ARHGAP17: variants seen among roughly 807,000 people sequenced by gnomAD.
The protein encoded by ARHGAP17 is rho GTPase-activating protein 17.
Under a neutral mutation model 99.5 loss-of-function variants are expected in ARHGAP17, and 57 were observed. That is an observed-to-expected ratio of 0.57 (90% CI 0.46 to 0.71). The LOEUF is 0.71. Among genes scored for constraint, ARHGAP17 ranks in the 30% least tolerant of loss-of-function variants. The probability of loss-of-function intolerance (pLI) is 0.00; values close to 1 mark genes in which losing one functional copy is unlikely to be tolerated. For synonymous variants in ARHGAP17, 417 were observed against 429.6 expected (o/e 0.97, Z 0.36); for missense variants, 1,000 against 1,122.4 (o/e 0.89, Z 1.56).
chr16:24,943,039 G>A (rs756644801), intron 15 of ARHGAP17, among the ~76,000 whole-genome samples: 21 of 152,138 alleles, frequency 1.4e-4, no homozygotes, highest in Admixed American at 2.6e-4. Flanking sequence ...TGCACCCCAC[G>A]GGACATGGCA....
At chr16:24,977,442 G>T in intron 2 of ARHGAP17, 123 bp from the exon 3 acceptor site, 1 of 696,270 alleles carries the variant, frequency 1.4e-6, no homozygotes, top group Non-Finnish European at 2.3e-6. Context: ...GCTACACCTT[G>T]CTATCACACT....
chr16:24,929,682 A>C lies in ARHGAP17; in HGVS notation c.2515+1102T>G, dbSNP rs563285346. On this transcript the variant is annotated intron_variant, in intron 19 of 19. Transcript: ENST00000289968. Reference sequence around the variant, plus strand: ...GCATCTATTGGGAAACAAAACAAACAAACCAACATGGCTTTGTTGTTTTCA... The same window carrying C: ...GCATCTATTGGGAAACAAAACAAACCAACCAACATGGCTTTGTTGTTTTCA... 5 of 987,312 alleles carry C rather than the reference A, an allele frequency of 5.1e-6. 1 individual carries two copies. The South Asian group carries it at 1.4e-4, about 28-fold the overall frequency. The allele number at this position is 987,312 out of a possible 1,614,324, so 61.2% of individuals were successfully genotyped here. A position where few individuals can be genotyped will look rare whatever the true frequency, so the allele number is the denominator to read the frequency against.
intron 1 of ARHGAP17, among the ~76,000 whole-genome samples, chr16:24,981,311 G>A (rs1414990531): frequency 6.6e-6 from 1 of 151,912 alleles, no homozygotes; most frequent in Non-Finnish European, 1.5e-5. Flanking sequence ...ATTAACTTCA[G>A]GAAAAACAAA....
chr16:25,009,637 T>C (rs1348639190), intron 1 of ARHGAP17, among the ~76,000 whole-genome samples: 3 of 152,134 alleles, frequency 2.0e-5, no homozygotes, highest in Non-Finnish European at 4.4e-5. Context: ...TCCAACTACC[T>C]AGTGAGTGGT....
chr16:25,014,997 G>A (rs1345677026), intron 1 of ARHGAP17, among the ~76,000 whole-genome samples: 1 of 151,746 alleles, frequency 6.6e-6, no homozygotes, highest in African/African-American at 2.4e-5. Context: ...GGTCTCGGGA[G>A]CCCGGCGGCG....
intron 1 of ARHGAP17, among the ~76,000 whole-genome samples, chr16:25,014,815 T>G (rs1162937064): frequency 1.3e-5 from 2 of 152,164 alleles, no homozygotes; most frequent in Non-Finnish European, 2.9e-5. Context: ...CGGCACAGCG[T>G]TAGGGACAGA....
At chr16:24,947,420 T>G in intron 14 of ARHGAP17, 62 bp downstream of exon 14, 1 of 1,412,882 alleles carries the variant, frequency 7.1e-7, no homozygotes, top group Non-Finnish European at 9.9e-7. Flanking sequence ...TGAGTTACAT[T>G]TCTATGCATC....
chr16:24,969,068 A>C lies in ARHGAP17; in HGVS notation c.273-296T>G, dbSNP rs150288272. Among the ~76,000 whole-genome samples the C allele has an allele frequency of 4.5e-3, 679 of 152,350 alleles. 6 individuals carry two copies. Among genetic ancestry groups the C allele is most frequent in the African/African-American group, 0.015 (643 of 41,582 alleles). On this transcript the variant is annotated intron_variant, in intron 4 of 19. Coordinates refer to ENST00000289968, the MANE Select transcript of ARHGAP17 (RefSeq NM_001006634.3). Reference sequence around the variant, plus strand: ...AAATTCTCAAGTCAGGTGAAAGCCAAGTGTTCACAAAATACTCTGAAGATC... The same window carrying C: ...AAATTCTCAAGTCAGGTGAAAGCCACGTGTTCACAAAATACTCTGAAGATC...
intron 1 of ARHGAP17, among the ~76,000 whole-genome samples, chr16:24,987,863 A>G (rs754321430): frequency 4.6e-5 from 7 of 152,228 alleles, no homozygotes; most frequent in Non-Finnish European, 8.8e-5. Flanking sequence ...GAAATATCTG[A>G]CGCATTTTTG....
At position 25,015,244 on chromosome 16, in the gene ARHGAP17, G is replaced by A; in HGVS notation, c.18C>T (p.Asn6=). The A allele has an allele frequency of 1.5e-6, 2 of 1,361,808 alleles. No homozygotes were observed. Among genetic ancestry groups the A allele is most frequent in the East Asian group, 3.2e-5 (1 of 31,602 alleles). 84.4% of individuals were successfully genotyped at this position (1,361,808 alleles called of 1,614,324 possible). A position where few individuals can be genotyped will look rare whatever the true frequency, so the allele number is the denominator to read the frequency against. Reference sequence around the variant, plus strand: ...TCTGGTTAGCCAGCTGCTTCATGCGGTTGAACTGCTTCTTCATGGCGGCGG... The same window carrying A: ...TCTGGTTAGCCAGCTGCTTCATGCGATTGAACTGCTTCTTCATGGCGGCGG... MKKQF[N]RMKQLANQTV... Residue 6 remains asparagine, a synonymous_variant, in exon 1 of 20, where the codon AAC becomes AAT. Transcript: ENST00000289968.
intron 1 of ARHGAP17, among the ~76,000 whole-genome samples, chr16:24,991,358 C>A (rs1391744618): frequency 6.6e-6 from 1 of 152,160 alleles, no homozygotes; most frequent in Non-Finnish European, 1.5e-5. Context: ...CTGAGAATTA[C>A]AACAAATAAT....
At chr16:24,971,739 A>G (rs2052370852) in intron 3 of ARHGAP17, among the ~76,000 whole-genome samples, 1 of 152,170 alleles carries the variant, frequency 6.6e-6, no homozygotes, top group Non-Finnish European at 1.5e-5. Context: ...AAAGCCACTC[A>G]TTTTCCTATC....
chr16:24,960,107 A>G (rs771390240), intron 7 of ARHGAP17, 128 bp from the exon 8 acceptor site: 30 of 794,628 alleles, frequency 3.8e-5, no homozygotes, highest in Non-Finnish European at 6.3e-5. Flanking sequence ...ATGTCCATCA[A>G]CTGCCTGGTA....
chr16:24,983,279 A>G (rs1163476208), intron 1 of ARHGAP17, among the ~76,000 whole-genome samples: 1 of 150,014 alleles, frequency 6.7e-6, no homozygotes, highest in African/African-American at 2.5e-5. Flanking sequence ...TGCTGGGATT[A>G]TAGGCATGAG....
At chr16:24,995,837 A>G (rs1436113639) in intron 1 of ARHGAP17, among the ~76,000 whole-genome samples, 1 of 152,236 alleles carries the variant, frequency 6.6e-6, no homozygotes, top group Non-Finnish European at 1.5e-5. Flanking sequence ...CCAGGCTTGG[A>G]CAATGAACCA....
chr16:24,996,952 G>C (rs754600537), intron 1 of ARHGAP17, among the ~76,000 whole-genome samples: 3 of 152,128 alleles, frequency 2.0e-5, no homozygotes, highest in Non-Finnish European at 4.4e-5. Flanking sequence ...CTAGAATATG[G>C]AGAAATCATG....
chr16:25,007,385 A>G (rs1452111590), intron 1 of ARHGAP17, among the ~76,000 whole-genome samples: 3 of 152,228 alleles, frequency 2.0e-5, no homozygotes, highest in Non-Finnish European at 4.4e-5. Context: ...ACTTATTTAG[A>G]GACAGGGTCT....
At chr16:24,929,597 C>T (rs1436551431) in intron 19 of ARHGAP17, 10 of 987,822 alleles carry the variant, frequency 1.0e-5, no homozygotes, top group South Asian at 9.4e-5. Flanking sequence ...GCAAGCTGCT[C>T]GGGGCCATTA....
chr16:24,943,567 T>TAGTGAAACAA (rs1567219536), intron 15 of ARHGAP17, among the ~76,000 whole-genome samples: 1 of 152,230 alleles, frequency 6.6e-6, no homozygotes, highest in East Asian at 1.9e-4. Context: ...GGCTATGTTT[T>TAGTGAAACAA]AGTGAAACTA....
Sources: gnomAD v4.1 joint callset for allele counts (sites outside exome capture counted in the v4.1 genomes callset) on GRCh38, gnomAD v4.1.1 for gene constraint, MANE v1.5 for transcripts, NCBI Gene and HGNC (gene_info 2026-07-23, HGNC 2026-07-21) for gene names.